C8orf34: variants seen among roughly 807,000 people sequenced by gnomAD.
C8orf34 encodes the protein chromosome 8 open reading frame 34.
C8orf34 carries 65 observed loss-of-function variants against 68.3 expected under a neutral mutation model. That is an observed-to-expected ratio of 0.95 (90% CI 0.78 to 1.17). The LOEUF (loss-of-function observed/expected upper bound fraction) is 1.17. Ranked by LOEUF, C8orf34 falls within the 50% of genes most tolerant of loss-of-function variation. The pLI is 0.00. For synonymous variants in C8orf34, 244 were observed against 241.2 expected (o/e 1.01, Z -0.11); for missense variants, 664 against 655.4 (o/e 1.01, Z -0.14).
intron 7 of C8orf34, among the ~76,000 whole-genome samples, chr8:68,549,397 A>G (rs1563523654): frequency 1.3e-5 from 2 of 151,818 alleles, no homozygotes. Context: ...AGGCCAAAAT[A>G]ATCTATAGTG....
chr8:68,585,574 T>A (rs1386530994), intron 7 of C8orf34, among the ~76,000 whole-genome samples: 1 of 152,140 alleles, frequency 6.6e-6, no homozygotes, highest in Non-Finnish European at 1.5e-5. Flanking sequence ...ACTTATTATT[T>A]CACAGCTTGG....
intron 1 of C8orf34, among the ~76,000 whole-genome samples, chr8:68,393,890 C>A (rs1269500743): frequency 6.6e-6 from 1 of 151,936 alleles, no homozygotes. Context: ...GTTAGCAGGG[C>A]CTTACAGTAA....
At chr8:68,357,137 A>G (rs911445846) in intron 1 of C8orf34, among the ~76,000 whole-genome samples, 3 of 152,148 alleles carry the variant, frequency 2.0e-5, no homozygotes, top group Admixed American at 1.3e-4. Flanking sequence ...TTGTATAAAA[A>G]ATATAATCGT....
intron 1 of C8orf34, among the ~76,000 whole-genome samples, chr8:68,412,844 T>C (rs1043786359): frequency 4.6e-5 from 7 of 152,104 alleles, no homozygotes; most frequent in Non-Finnish European, 1.0e-4. Flanking sequence ...CGACCCTACC[T>C]GGACATCCCA....
intron 12 of C8orf34, among the ~76,000 whole-genome samples, chr8:68,811,558 G>C (rs1449879564): frequency 6.6e-6 from 1 of 152,178 alleles, no homozygotes; most frequent in African/African-American, 2.4e-5. Flanking sequence ...CGCAGCAGCC[G>C]CTCCAGATGG....
At chr8:68,757,027 T>TA (rs766652192) in intron 10 of C8orf34, among the ~76,000 whole-genome samples, 1 of 152,122 alleles carries the variant, frequency 6.6e-6, no homozygotes, top group Admixed American at 6.5e-5. Flanking sequence ...CTTCACAAGA[T>TA]AAAAAAAGGT....
chr8:68,384,183 A>G (rs1808157978), intron 1 of C8orf34, among the ~76,000 whole-genome samples: 1 of 152,252 alleles, frequency 6.6e-6, no homozygotes, highest in South Asian at 2.1e-4. Context: ...TTTTGTTTAC[A>G]TCTAAAGTCA....
At chr8:68,544,683 T>A (rs1180232891) in intron 7 of C8orf34, among the ~76,000 whole-genome samples, 1 of 151,992 alleles carries the variant, frequency 6.6e-6, no homozygotes, top group Non-Finnish European at 1.5e-5. Flanking sequence ...AGATGGAAAA[T>A]CTCAGCAGAG....
At chr8:68,772,992 T>C (rs1428743702) in intron 10 of C8orf34, among the ~76,000 whole-genome samples, 1 of 152,042 alleles carries the variant, frequency 6.6e-6, no homozygotes, top group African/African-American at 2.4e-5. Context: ...CTCTTTGTTT[T>C]TCAAGGGAAA....
intron 4 of C8orf34, among the ~76,000 whole-genome samples, chr8:68,470,226 C>T (rs891095787): frequency 2.0e-5 from 3 of 152,066 alleles, no homozygotes; most frequent in East Asian, 1.9e-4. Flanking sequence ...GGCACATATT[C>T]GTATTTATGA....
chr8:68,471,927 C>CAT (rs979537280), intron 4 of C8orf34, among the ~76,000 whole-genome samples: 6 of 9,548 alleles, frequency 6.3e-4, no homozygotes, highest in Admixed American at 1.3e-3. Context: ...CTTAAATGAA[C>CAT]ACACACACAC....
intron 4 of C8orf34, among the ~76,000 whole-genome samples, chr8:68,473,401 C>A (rs560377542): frequency 6.6e-6 from 1 of 152,260 alleles, no homozygotes; most frequent in African/African-American, 2.4e-5. Context: ...GATAGGCTTT[C>A]CACTTGGCAG....
chr8:68,763,123 A>G (rs1434225077), intron 10 of C8orf34, among the ~76,000 whole-genome samples: 1 of 152,060 alleles, frequency 6.6e-6, no homozygotes, highest in Non-Finnish European at 1.5e-5. Flanking sequence ...ATTTTTTTTC[A>G]GTTCATGCTA....
chr8:68,672,548 T>C (rs1820047019), intron 8 of C8orf34, among the ~76,000 whole-genome samples: 1 of 152,162 alleles, frequency 6.6e-6, no homozygotes, highest in Non-Finnish European at 1.5e-5. Context: ...GAACTCAGCC[T>C]GTGCCCACAG....
intron 7 of C8orf34, chr8:68,625,743 A>G: frequency 3.7e-6 from 2 of 546,306 alleles, no homozygotes; most frequent in Non-Finnish European, 6.6e-6. Context: ...CAGCAATTTT[A>G]GTATATGGCC....
At chr8:68,519,786 C>A (rs184523901) in intron 5 of C8orf34, among the ~76,000 whole-genome samples, 3 of 151,994 alleles carry the variant, frequency 2.0e-5, no homozygotes, top group Non-Finnish European at 4.4e-5. Flanking sequence ...TCATTTGATA[C>A]AATAGGCTTT....
intron 8 of C8orf34, among the ~76,000 whole-genome samples, chr8:68,658,837 G>A (rs1819585997): frequency 6.6e-6 from 1 of 151,848 alleles, no homozygotes; most frequent in Non-Finnish European, 1.5e-5. Flanking sequence ...ATACCATTTT[G>A]TTTAGAAAAA....
chr8:68,579,087 T>C (rs1483969151), intron 7 of C8orf34, among the ~76,000 whole-genome samples: 1 of 152,150 alleles, frequency 6.6e-6, no homozygotes, highest in Non-Finnish European at 1.5e-5. Context: ...TTTTAGACTC[T>C]GTCCCTCTGA....
intron 10 of C8orf34, among the ~76,000 whole-genome samples, chr8:68,774,353 TAAAC>T (rs1220766359): frequency 1.1e-4 from 12 of 109,906 alleles, no homozygotes; most frequent in African/African-American, 6.4e-4. Flanking sequence ...ATATATAAAA[TAAAC>T]AAAAAAATAA....
Sources: gnomAD v4.1 joint callset for allele counts (sites outside exome capture counted in the v4.1 genomes callset) on GRCh38, gnomAD v4.1.1 for gene constraint, MANE v1.5 for transcripts, NCBI Gene and HGNC (gene_info 2026-07-23, HGNC 2026-07-21) for gene names.